The following CTDSPL variants were observed in gnomAD, a reference collection of about 807,000 sequenced individuals.
The protein encoded by CTDSPL is CTD small phosphatase-like protein.
CTDSPL carries 8 observed loss-of-function variants against 30.5 expected under a neutral mutation model. That is an observed-to-expected ratio of 0.26 (90% CI 0.15 to 0.47). CTDSPL has a LOEUF of 0.47. CTDSPL is among the 20% of genes least tolerant of loss of function. The probability of loss-of-function intolerance (pLI) is 0.99; values close to 1 mark genes in which losing one functional copy is unlikely to be tolerated. For synonymous variants in CTDSPL, 110 were observed against 137.9 expected (o/e 0.80, Z 1.42); for missense variants, 248 against 366.1 (o/e 0.68, Z 2.63).
At chr3:37,964,809 GC>G in intron 4 of CTDSPL, 137 bp downstream of exon 4, 1 of 610,710 alleles carries the variant, frequency 1.6e-6, no homozygotes, top group Non-Finnish European at 2.9e-6. Flanking sequence ...CCCAGGAGCT[GC>G]TTATTAACCC....
chr3:37,862,138 C>T lies in CTDSPL; in HGVS notation c.-62C>T, dbSNP rs1212675822. ...CCGCGCCCCCGCGCCCCCCGCGCCG[C>T]GCCCCCGCGCGCTTGGCTTGCGGGG... On this transcript the variant is annotated 5_prime_UTR_variant, in exon 1 of 8. Coordinates refer to ENST00000273179, the MANE Select transcript of CTDSPL (RefSeq NM_001008392.2). The surrounding 1 kb of genome is among the most constrained non-coding windows in gnomAD (Gnocchi z 4.3). The T allele has an allele frequency of 5.8e-6, 5 of 868,540 alleles. No homozygotes were observed. Among genetic ancestry groups the T allele is most frequent in the Non-Finnish European group, 6.9e-6 (5 of 728,180 alleles). 53.8% of individuals were successfully genotyped at this position (868,540 alleles called of 1,614,324 possible).
intron 4 of CTDSPL, among the ~76,000 whole-genome samples, chr3:37,966,456 G>A (rs1047768950): frequency 6.6e-6 from 1 of 152,198 alleles, no homozygotes; most frequent in African/African-American, 2.4e-5. Flanking sequence ...AGTAAGGGTG[G>A]TGCTTGCTGT....
chr3:37,897,354 A>G (rs997075308), intron 1 of CTDSPL, among the ~76,000 whole-genome samples: 20 of 152,326 alleles, frequency 1.3e-4, no homozygotes, highest in Non-Finnish European at 2.1e-4. Flanking sequence ...CACATGTCGC[A>G]GGTAAGTCTG....
chr3:37,954,159 C>T (rs902952137), intron 2 of CTDSPL, among the ~76,000 whole-genome samples: 1 of 152,210 alleles, frequency 6.6e-6, no homozygotes, highest in African/African-American at 2.4e-5. Flanking sequence ...GCCCTGGAAG[C>T]TTTCCTGGAG....
At chr3:37,961,581 C>A (rs999143370) in intron 3 of CTDSPL, among the ~76,000 whole-genome samples, 1 of 152,138 alleles carries the variant, frequency 6.6e-6, no homozygotes, top group Admixed American at 6.5e-5. Context: ...TGTTTCTATG[C>A]TATTTGCCTA....
intron 6 of CTDSPL, among the ~76,000 whole-genome samples, chr3:37,974,709 C>T (rs2125635007): frequency 6.6e-6 from 1 of 152,310 alleles, no homozygotes; most frequent in East Asian, 1.9e-4. Context: ...GAGCTGGGCT[C>T]AAACTCCCAT....
At chr3:37,931,807 T>TC (rs1040588728) in intron 1 of CTDSPL, among the ~76,000 whole-genome samples, 2 of 152,068 alleles carry the variant, frequency 1.3e-5, no homozygotes, top group African/African-American at 4.8e-5. Flanking sequence ...AATTTTTTTT[T>TC]TTACTTTTTC....
chr3:37,867,748 A>G (rs1238725371), intron 1 of CTDSPL, among the ~76,000 whole-genome samples: 2 of 152,192 alleles, frequency 1.3e-5, no homozygotes, highest in Admixed American at 6.5e-5. Context: ...CGTCTTATAT[A>G]ATTGTATATT....
chr3:37,883,302 C>T (rs1410788294), intron 1 of CTDSPL, among the ~76,000 whole-genome samples: 3 of 152,182 alleles, frequency 2.0e-5, no homozygotes, highest in African/African-American at 7.2e-5. Flanking sequence ...GCACTGGCTC[C>T]CCCGTGGTCT....
chr3:37,865,183 T>C (rs1199549575), intron 1 of CTDSPL, among the ~76,000 whole-genome samples: 15 of 152,244 alleles, frequency 9.9e-5, no homozygotes, highest in Admixed American at 9.8e-4. Context: ...TTGATTTGGT[T>C]GATAATGTCA....
chr3:37,909,856 A>G (rs528383130), intron 1 of CTDSPL, among the ~76,000 whole-genome samples: 1 of 152,238 alleles, frequency 6.6e-6, no homozygotes, highest in Non-Finnish European at 1.5e-5. Context: ...AACTAATGCT[A>G]ATGTAAAGGT....
chr3:37,946,093 C>G (rs1005421160), intron 1 of CTDSPL, among the ~76,000 whole-genome samples: 2 of 151,648 alleles, frequency 1.3e-5, no homozygotes, highest in Admixed American at 1.3e-4. Context: ...CCTGCGGCCT[C>G]TTCTCAGTGC....
intron 1 of CTDSPL, among the ~76,000 whole-genome samples, chr3:37,920,864 A>G (rs1468632663): frequency 2.0e-5 from 3 of 152,188 alleles, no homozygotes; most frequent in Non-Finnish European, 4.4e-5. Context: ...AGGATCTAAT[A>G]ATTCATCCCA....
At chr3:37,966,540 G>A (rs1699300645) in intron 4 of CTDSPL, among the ~76,000 whole-genome samples, 1 of 152,128 alleles carries the variant, frequency 6.6e-6, no homozygotes. Flanking sequence ...CCTTGGGAGA[G>A]TCTCTTCCTT....
chr3:37,889,046 C>A, intron 1 of CTDSPL, among the ~76,000 whole-genome samples: 1 of 152,186 alleles, frequency 6.6e-6, no homozygotes, highest in East Asian at 1.9e-4. Context: ...TTAATATTTA[C>A]AAATGATAAC....
At chr3:37,879,777 G>T (rs1698180667) in intron 1 of CTDSPL, among the ~76,000 whole-genome samples, 1 of 152,144 alleles carries the variant, frequency 6.6e-6, no homozygotes, top group African/African-American at 2.4e-5. Context: ...TGTGAACTCT[G>T]ACAAGTTATT....
chr3:37,965,313 C>G (rs1421937035), intron 4 of CTDSPL, among the ~76,000 whole-genome samples: 1 of 152,198 alleles, frequency 6.6e-6, no homozygotes, highest in Non-Finnish European at 1.5e-5. Context: ...TCCCTGATCT[C>G]CATCTTCCTG....
intron 2 of CTDSPL, among the ~76,000 whole-genome samples, chr3:37,950,524 T>C (rs1435675638): frequency 6.6e-6 from 1 of 152,222 alleles, no homozygotes; most frequent in East Asian, 1.9e-4. Flanking sequence ...ACTGAATTCA[T>C]GTTCTGGAAA....
chr3:37,905,854 A>G (rs1035304052), intron 1 of CTDSPL, among the ~76,000 whole-genome samples: 32 of 152,338 alleles, frequency 2.1e-4, no homozygotes, highest in Admixed American at 2.0e-3. Flanking sequence ...AGCTGATTTG[A>G]AAGCCTGATA....
Sources: allele counts gnomAD v4.1 joint callset (sites outside exome capture counted in the v4.1 genomes callset), GRCh38; gene constraint gnomAD v4.1.1; non-coding constraint Gnocchi (gnomAD v3.1); transcripts MANE v1.5; gene names NCBI Gene and HGNC (gene_info 2026-07-23, HGNC 2026-07-21).